Variants in PRKD1 observed in about 807,000 individuals in gnomAD.
The protein encoded by PRKD1 is serine/threonine-protein kinase D1.
In PRKD1, 63 loss-of-function variants were observed where a neutral mutation model predicts 95.9. That is an observed-to-expected ratio of 0.66 (90% confidence interval 0.54 to 0.81). PRKD1 has a LOEUF of 0.81. Among genes scored for constraint, PRKD1 ranks in the 30% least tolerant of loss-of-function variants. PRKD1 has a pLI of 0.00. For missense variants in PRKD1, 1,048 were observed against 1,165.3 expected, an observed-to-expected ratio of 0.90 and a Z score of 1.47; for synonymous variants, 425 against 423.1, an observed-to-expected ratio of 1.00 and a Z score of -0.05.
At chr14:29,755,210 C>G (rs1046496605) in intron 1 of PRKD1, among the ~76,000 whole-genome samples, 1 of 152,144 alleles carries the variant, frequency 6.6e-6, no homozygotes, top group Non-Finnish European at 1.5e-5. Context: ...GTCATTTCAT[C>G]TGCAAATAAT....
chr14:29,761,650 G>A (rs1337145995), intron 1 of PRKD1, among the ~76,000 whole-genome samples: 1 of 152,072 alleles, frequency 6.6e-6, no homozygotes, highest in Non-Finnish European at 1.5e-5. Flanking sequence ...TTACTCAGTG[G>A]TCTAATAAGT....
chr14:29,603,732 A>G (rs1893603717), intron 13 of PRKD1, among the ~76,000 whole-genome samples: 1 of 152,224 alleles, frequency 6.6e-6, no homozygotes, highest in Admixed American at 6.5e-5. Context: ...AGACTGCAAC[A>G]TCAATCATGG....
intron 1 of PRKD1, among the ~76,000 whole-genome samples, chr14:29,816,613 C>G (rs1047857879): frequency 1.3e-5 from 2 of 152,126 alleles, no homozygotes; most frequent in African/African-American, 4.8e-5. Flanking sequence ...TGCTAGGTGA[C>G]TTTTTCTCTT....
At chr14:29,686,965 T>C (rs1379730912) in intron 2 of PRKD1, among the ~76,000 whole-genome samples, 1 of 150,466 alleles carries the variant, frequency 6.6e-6, no homozygotes, top group Non-Finnish European at 1.5e-5. Context: ...ACCTAGTTTC[T>C]AAAGCTCAGT....
At chr14:29,872,808 A>G (rs1893160174) in intron 1 of PRKD1, among the ~76,000 whole-genome samples, 1 of 152,220 alleles carries the variant, frequency 6.6e-6, no homozygotes, top group African/African-American at 2.4e-5. Flanking sequence ...AATTCAGGCT[A>G]TTGACATATA....
At chr14:29,616,534 C>A (rs190867722) in intron 13 of PRKD1, among the ~76,000 whole-genome samples, 1 of 152,008 alleles carries the variant, frequency 6.6e-6, no homozygotes, top group Admixed American at 6.6e-5. Context: ...GCCTTGAATT[C>A]CCAGGCTCAA....
intron 13 of PRKD1, among the ~76,000 whole-genome samples, chr14:29,606,091 C>A (rs1893694374): frequency 6.6e-6 from 1 of 152,130 alleles, no homozygotes; most frequent in Non-Finnish European, 1.5e-5. Context: ...CAGTTCACTA[C>A]AGCCTCCCCC....
At chr14:29,803,085 C>T (rs148138927) in intron 1 of PRKD1, among the ~76,000 whole-genome samples, 243 of 152,274 alleles carry the variant, frequency 1.6e-3, no homozygotes, top group African/African-American at 5.7e-3. Context: ...TATATCCCTC[C>T]CAAATGGTAG....
intron 1 of PRKD1, among the ~76,000 whole-genome samples, chr14:29,912,227 C>G (rs754247503): frequency 7.2e-5 from 11 of 152,000 alleles, no homozygotes; most frequent in Non-Finnish European, 1.5e-4. Flanking sequence ...AGGTAACATT[C>G]AAAGGTTCCA....
At chr14:29,789,905 C>T (rs2139190916) in intron 1 of PRKD1, among the ~76,000 whole-genome samples, 1 of 151,936 alleles carries the variant, frequency 6.6e-6, no homozygotes, top group Middle Eastern at 3.4e-3. Context: ...CAAGTGATAG[C>T]AAGCCAGGTG....
intron 1 of PRKD1, among the ~76,000 whole-genome samples, chr14:29,781,297 T>TA (rs1388522062): frequency 3.9e-5 from 6 of 152,020 alleles, no homozygotes; most frequent in Admixed American, 1.3e-4. Context: ...ATGATAATAA[T>TA]AAAAAAGAAT....
At chr14:29,787,325 T>C (rs1346181380) in intron 1 of PRKD1, among the ~76,000 whole-genome samples, 1 of 151,534 alleles carries the variant, frequency 6.6e-6, no homozygotes, top group Admixed American at 6.6e-5. Flanking sequence ...AAATATTATG[T>C]AAATATCTGT....
intron 1 of PRKD1, among the ~76,000 whole-genome samples, chr14:29,890,535 C>G (rs2139411938): frequency 6.6e-6 from 1 of 152,264 alleles, no homozygotes; most frequent in African/African-American, 2.4e-5. Context: ...ATAGACGGAA[C>G]TCCTGACTCA....
intron 1 of PRKD1, among the ~76,000 whole-genome samples, chr14:29,766,048 TAGA>T (rs776121503): frequency 1.5e-4 from 23 of 151,850 alleles, no homozygotes; most frequent in Non-Finnish European, 2.4e-4. Context: ...AAAACAATAT[TAGA>T]AGAAGAAAAG....
intron 2 of PRKD1, among the ~76,000 whole-genome samples, chr14:29,701,952 T>C (rs1396560610): frequency 6.6e-6 from 1 of 152,194 alleles, no homozygotes; most frequent in African/African-American, 2.4e-5. Flanking sequence ...TTCTTTCACA[T>C]TTCCCCTTTC....
chr14:29,648,212 C>A (rs1216792297), intron 4 of PRKD1, among the ~76,000 whole-genome samples: 2 of 151,980 alleles, frequency 1.3e-5, no homozygotes, highest in Non-Finnish European at 2.9e-5. Flanking sequence ...TTCTATTTCA[C>A]AAGGACAATC....
chr14:29,765,025 A>G (rs959041237), intron 1 of PRKD1, among the ~76,000 whole-genome samples: 1 of 151,880 alleles, frequency 6.6e-6, no homozygotes, highest in African/African-American at 2.4e-5. Flanking sequence ...CATTACTAAA[A>G]CCCCCAAAGA....
intron 2 of PRKD1, among the ~76,000 whole-genome samples, chr14:29,713,994 A>C (rs559770460): frequency 1.1e-4 from 17 of 151,684 alleles, no homozygotes; most frequent in Non-Finnish European, 2.4e-4. Context: ...ATTAAATAAG[A>C]TATAGAAAAT....
chr14:29,582,504 TTTC>T (rs1892785873), intron 16 of PRKD1, among the ~76,000 whole-genome samples: 1 of 152,200 alleles, frequency 6.6e-6, no homozygotes, highest in South Asian at 2.1e-4. Context: ...CATCTGTTAG[TTTC>T]TTCAATATGT....
Sources: allele counts gnomAD v4.1 joint callset (sites outside exome capture counted in the v4.1 genomes callset), GRCh38; gene constraint gnomAD v4.1.1; transcripts MANE v1.5; gene names NCBI Gene and HGNC (gene_info 2026-07-23, HGNC 2026-07-21).